The following EPHA10 variants were observed in gnomAD, a reference collection of about 807,000 sequenced individuals.
EPHA10 encodes the protein ephrin type-A receptor 10.
Under a neutral mutation model 109.7 loss-of-function variants are expected in EPHA10, and 120 were observed. The ratio of observed to expected loss-of-function variants is 1.09; its 90% CI spans 0.94 to 1.27. The LOEUF (loss-of-function observed/expected upper bound fraction) is 1.27, where lower values mean the gene tolerates loss of function less well. EPHA10 is among the 50% of genes most tolerant of loss of function. The pLI is 0.00. For missense variants in EPHA10, 1,396 were observed against 1,411.1 expected (o/e 0.99, Z 0.17); for synonymous variants, 640 against 618.9 (o/e 1.03, Z -0.51).
chr1:37,743,722 TGTAGGCTAATGTAAGTGTTCTG>T (rs1222759535), intron 5 of EPHA10, among the ~76,000 whole-genome samples: 5 of 152,314 alleles, frequency 3.3e-5, no homozygotes, highest in Admixed American at 3.3e-4. Context: ...TTCGCCCACC[TGTAGGCTAATGTAAGTGTTCTG>T]GGCATGTTTA....
At chr1:37,730,287 G>A (rs1031239560) in intron 7 of EPHA10, among the ~76,000 whole-genome samples, 1 of 152,120 alleles carries the variant, frequency 6.6e-6, no homozygotes, top group Non-Finnish European at 1.5e-5. Context: ...TTTGGACTCA[G>A]AGCTCTTCCT....
At chr1:37,735,145 T>C in intron 6 of EPHA10, 112 bp downstream of exon 6, 1 of 1,399,524 alleles carries the variant, frequency 7.1e-7, no homozygotes, top group East Asian at 2.5e-5. Flanking sequence ...CGGGTGGTTA[T>C]GTTTACAAAG....
chr1:37,720,257 G>T (rs2148306485), intron 13 of EPHA10, 94 bp downstream of exon 13: 4 of 1,431,300 alleles, frequency 2.8e-6, no homozygotes, highest in Non-Finnish European at 3.7e-6. Flanking sequence ...GGGTGGAGGG[G>T]CAGGGAAAGG....
chr1:37,757,168 T>C (rs952147849), intron 3 of EPHA10, among the ~76,000 whole-genome samples: 1 of 152,166 alleles, frequency 6.6e-6, no homozygotes, highest in Non-Finnish European at 1.5e-5. Flanking sequence ...CCCTGATTTT[T>C]TCCCCCAAAG....
intron 6 of EPHA10, among the ~76,000 whole-genome samples, chr1:37,733,347 A>C (rs1646020327): frequency 6.7e-6 from 1 of 149,178 alleles, no homozygotes; most frequent in Non-Finnish European, 1.5e-5. Context: ...TCAGCATCCC[A>C]AGTTGCTGGG....
chr1:37,742,476 G>A (rs1400781944), intron 5 of EPHA10, among the ~76,000 whole-genome samples: 2 of 152,208 alleles, frequency 1.3e-5, no homozygotes, highest in African/African-American at 4.8e-5. Context: ...ATACCTGCAA[G>A]GAAGAAACAG....
At chr1:37,722,284 G>A (rs993037245) in intron 10 of EPHA10, 5 of 250,012 alleles carry the variant, frequency 2.0e-5, no homozygotes, top group African/African-American at 4.6e-5. Context: ...TCAGTGGGGG[G>A]AGGTTTCCAA....
intron 7 of EPHA10, among the ~76,000 whole-genome samples, chr1:37,730,755 A>G (rs528256011): frequency 6.6e-6 from 1 of 151,954 alleles, no homozygotes; most frequent in East Asian, 1.9e-4. Flanking sequence ...GTAGTGGCAT[A>G]ATCTTGGCTC....
Position 37,718,323 on chromosome 1 carries a change from G to A in EPHA10, c.*49C>T, listed in dbSNP as rs373448259. ...CTTGCCACGGTCCTTGGGCAGGGCT[G>A]GGGGACTGGACCCCCACCGGAGTCC... is the stretch of plus-strand genomic sequence containing the variant. On this transcript the variant is annotated 3_prime_UTR_variant, in exon 17 of 17. Coordinates refer to ENST00000373048, the MANE Select transcript of EPHA10 (RefSeq NM_001099439.2). The A allele has an allele frequency of 1.6e-5, 23 of 1,481,202 alleles. No individual in the cohort carries two copies. In the African/African-American group the frequency reaches 2.8e-4, roughly 18 times the overall value. The allele number at this position is 1,481,202 out of a possible 1,614,324, so 91.8% of individuals were successfully genotyped here.
Position 37,741,341 on chromosome 1 carries a change from G to A in EPHA10, c.1358-5951C>T, listed in dbSNP as rs144576353. Among the ~76,000 whole-genome samples, 870 of 152,280 alleles carry A rather than the reference G, an allele frequency of 5.7e-3. 7 individuals are homozygous for A. Among genetic ancestry groups the A allele is most frequent in the African/African-American group, 0.02 (831 of 41,564 alleles). On this transcript the variant is annotated intron_variant, in intron 5 of 16. Transcript: ENST00000373048. ...TGGCTTTCATAAAGTGGACGTTCCC[G>A]GTGCCTTCAGGGGATTGAGGAAAGT...
intron 8 of EPHA10, among the ~76,000 whole-genome samples, chr1:37,724,939 G>A (rs1433258284): frequency 6.6e-6 from 1 of 152,226 alleles, no homozygotes; most frequent in Non-Finnish European, 1.5e-5. Context: ...TGTTATGGGG[G>A]GCAGAGGGGA....
In EPHA10 at chr1:37,718,303, C is replaced by T. The variant is rs1645723752; in HGVS notation, c.*69G>A. The T allele has an allele frequency of 1.5e-6, 2 of 1,366,546 alleles. No homozygotes were observed. Among genetic ancestry groups the T allele is most frequent in the African/African-American group, 2.9e-5 (2 of 69,118 alleles). 84.7% of individuals were successfully genotyped at this position (1,366,546 alleles called of 1,614,324 possible). On this transcript the variant is annotated 3_prime_UTR_variant, in exon 17 of 17. Transcript: ENST00000373048. ...CCCACACTGCTGGAGCGCAGCTTGC[C>T]ACGGTCCTTGGGCAGGGCTGGGGGA...
intron 5 of EPHA10, 81 bp from the exon 6 acceptor site, chr1:37,735,471 G>A: frequency 6.7e-7 from 1 of 1,493,624 alleles, no homozygotes. Flanking sequence ...GGTGCGGCGT[G>A]CGGGGCTGTG....
At chr1:37,733,466 G>A (rs556138148) in intron 6 of EPHA10, among the ~76,000 whole-genome samples, 9 of 152,228 alleles carry the variant, frequency 5.9e-5, no homozygotes, top group African/African-American at 1.7e-4. Context: ...CCGTCCTCCC[G>A]TCTCAGCTTC....
intron 5 of EPHA10, among the ~76,000 whole-genome samples, chr1:37,749,436 G>T (rs1333593749): frequency 6.6e-6 from 1 of 151,806 alleles, no homozygotes. Flanking sequence ...ACTTTGGGAG[G>T]CTGAGGCGGG....
At chr1:37,729,845 C>A (rs1372047895) in intron 7 of EPHA10, among the ~76,000 whole-genome samples, 1 of 151,668 alleles carries the variant, frequency 6.6e-6, no homozygotes, top group African/African-American at 2.4e-5. Flanking sequence ...TACACTCCAG[C>A]CTGGGTGACA....
At position 37,754,365 on chromosome 1, in the gene EPHA10, G is replaced by T. The variant is rs756468429; in HGVS notation, c.856C>A (p.Pro286Thr). 25 of 1,306,318 alleles carry T rather than the reference G, an allele frequency of 1.9e-5. No individual in the cohort carries two copies. The highest frequency in any genetic ancestry group is 2.3e-5 in the Non-Finnish European group (23 of 1,021,994). 80.9% of individuals were successfully genotyped at this position (1,306,318 alleles called of 1,614,324 possible). A position where few individuals can be genotyped will look rare whatever the true frequency, so the allele number is the denominator to read the frequency against. ...GGGGACACCTTGTAAAACCCTGGGG[G>T]ACAGGCTGCAGGGCATGGCTGGTGA... ...QERGDFCEAC[P>T]PGFYKVSPRR... The change falls in exon 4 of 17, where the codon CCC becomes ACC. Residue 286 changes from proline (P) to threonine (T), a missense_variant. By Grantham distance (38) the Pro-to-Thr change is conservative. Coordinates refer to ENST00000373048, the MANE Select transcript of EPHA10 (RefSeq NM_001099439.2). The surrounding 1 kb of genome is among the most constrained non-coding windows in gnomAD (Gnocchi z 4.5).
chr1:37,764,968 G>T lies in EPHA10; in HGVS notation c.99C>A (p.Ala33=). 6.2e-7 allele frequency: 1 copy of T among 1,606,314 alleles called. No homozygotes were observed. The part of the protein sequence containing the change: ...LLLGPWRPGT[A]EEVILLDSKA... ...GCTCACCAGTCTTCTCACCTTCCTC[G>T]GCGGTCCCAGGCCGCCAGGGTCCCA... The change falls in exon 1 of 17, where the codon GCC becomes GCA. Residue 33 remains alanine, a synonymous_variant. Transcript: ENST00000373048. The surrounding 1 kb of genome is among the most constrained non-coding windows in gnomAD (Gnocchi z 5.8).
Position 37,719,900 on chromosome 1 carries a change from GTTAC to G in EPHA10, c.2562+5_2562+8del. 1.2e-6 allele frequency: 2 copies of G among 1,613,924 alleles called. No individual in the cohort carries two copies. Among genetic ancestry groups the G allele is most frequent in the Non-Finnish European group, 1.7e-6 (2 of 1,180,020 alleles). On this transcript the variant is annotated splice_donor_5th_base_variant and intron_variant, in intron 14 of 16. Transcript: ENST00000373048. ...AGAAGGCATGCAGCTGGAGCCACGG[GTTAC>G]TCACGTCTTGGCCAGACATGTCCCA...
Sources: allele counts gnomAD v4.1 joint callset (sites outside exome capture counted in the v4.1 genomes callset), GRCh38; gene constraint gnomAD v4.1.1; non-coding constraint Gnocchi (gnomAD v3.1); transcripts MANE v1.5; gene names NCBI Gene and HGNC (gene_info 2026-07-23, HGNC 2026-07-21).